CLYBL: variants seen among roughly 807,000 people sequenced by gnomAD.
CLYBL encodes the protein citramalyl-CoA lyase.
In CLYBL, 31 loss-of-function variants were observed where a neutral mutation model predicts 38.9. The ratio of observed to expected loss-of-function variants is 0.80; its 90% CI spans 0.60 to 1.08. The LOEUF (loss-of-function observed/expected upper bound fraction) is 1.08, where lower values mean the gene tolerates loss of function less well. Among genes scored for constraint, CLYBL ranks in the 50% least tolerant of loss-of-function variants. The probability of loss-of-function intolerance (pLI) is 0.00; values close to 1 mark genes in which losing one functional copy is unlikely to be tolerated. For missense variants in CLYBL, 434 were observed against 411.6 expected (o/e 1.05, Z -0.47); for synonymous variants, 171 against 158.6 (o/e 1.08, Z -0.59).
At chr13:99,736,559 G>A (rs528553229) in intron 1 of CLYBL, among the ~76,000 whole-genome samples, 1 of 152,020 alleles carries the variant, frequency 6.6e-6, no homozygotes, top group Non-Finnish European at 1.5e-5. Flanking sequence ...AAATCGGCAG[G>A]TAAGAGTTAG....
chr13:99,629,784 G>A (rs1239511776), intron 1 of CLYBL, among the ~76,000 whole-genome samples: 1 of 152,160 alleles, frequency 6.6e-6, no homozygotes, highest in African/African-American at 2.4e-5. Context: ...TGCACGCTCT[G>A]GTCCCTGGGC....
rs538298415 is a variant in CLYBL at position 99,695,050 on chromosome 13, ATACGGCTTGGG to A, written c.63-77771_63-77761del. Reference sequence around the variant, plus strand: ...CCTCATCCATCCCACCGCGAGAGCGATACGGCTTGGGTAAGCCGCGAATCCCCTCACTGGGC... The same window carrying A: ...CCTCATCCATCCCACCGCGAGAGCGATAAGCCGCGAATCCCCTCACTGGGC... On this transcript the variant is annotated intron_variant, in intron 1 of 8. Transcript: ENST00000339105. 3.5e-4 allele frequency among the ~76,000 whole-genome samples: 53 copies of A among 152,302 alleles called. No individual in the cohort carries two copies. In the South Asian group the frequency reaches 0.011, roughly 32 times the overall value.
At chr13:99,715,078 A>C (rs1253834471) in intron 1 of CLYBL, among the ~76,000 whole-genome samples, 2 of 152,208 alleles carry the variant, frequency 1.3e-5, no homozygotes, top group Non-Finnish European at 2.9e-5. Context: ...GAGGATCACC[A>C]CATATCAGTG....
chr13:99,734,855 A>C (rs1269076694), intron 1 of CLYBL, among the ~76,000 whole-genome samples: 1 of 152,198 alleles, frequency 6.6e-6, no homozygotes, highest in Non-Finnish European at 1.5e-5. Context: ...TTCTTCTCAC[A>C]AGTAGAACTA....
chr13:99,710,490 T>C (rs1176467034), intron 1 of CLYBL, among the ~76,000 whole-genome samples: 1 of 152,204 alleles, frequency 6.6e-6, no homozygotes, highest in Non-Finnish European at 1.5e-5. Flanking sequence ...TTGAGACTTA[T>C]GAAGACAATG....
intron 1 of CLYBL, among the ~76,000 whole-genome samples, chr13:99,620,831 A>G (rs1315009709): frequency 8.3e-6 from 1 of 119,944 alleles, no homozygotes; most frequent in Non-Finnish European, 1.8e-5. Flanking sequence ...AGAGAAAGAA[A>G]GAAAGAAAAA....
chr13:99,727,752 CAG>C (rs143338442), intron 1 of CLYBL, among the ~76,000 whole-genome samples: 1,778 of 152,074 alleles, frequency 0.012, 33 homozygotes, highest in African/African-American at 0.041. Context: ...TATCTCAGGA[CAG>C]GGAATGATAG....
chr13:99,808,323 C>T (rs754615690), intron 2 of CLYBL, among the ~76,000 whole-genome samples: 27 of 152,056 alleles, frequency 1.8e-4, no homozygotes, highest in African/African-American at 4.8e-4. Flanking sequence ...TGGGCTCAGG[C>T]GATCAGCCTG....
intron 2 of CLYBL, among the ~76,000 whole-genome samples, chr13:99,850,209 G>A (rs553908424): frequency 6.6e-6 from 1 of 152,256 alleles, no homozygotes; most frequent in South Asian, 2.1e-4. Flanking sequence ...TGAAAAGATA[G>A]CTTCAGAATG....
chr13:99,889,058 C>T (rs2052421987), intron 7 of CLYBL, among the ~76,000 whole-genome samples: 1 of 152,166 alleles, frequency 6.6e-6, no homozygotes, highest in African/African-American at 2.4e-5. Flanking sequence ...GAAAATCAAG[C>T]AAAACCTGCG....
intron 1 of CLYBL, among the ~76,000 whole-genome samples, chr13:99,719,762 C>T (rs2048368498): frequency 6.6e-6 from 1 of 152,178 alleles, no homozygotes; most frequent in Non-Finnish European, 1.5e-5. Context: ...CCCACCTCAG[C>T]CCCACAAAGT....
chr13:99,904,585 G>A (rs1221128877), intron 8 of CLYBL, among the ~76,000 whole-genome samples: 1 of 152,220 alleles, frequency 6.6e-6, no homozygotes, highest in African/African-American at 2.4e-5. Context: ...TCAGCCACAC[G>A]TGTATGGATG....
At chr13:99,684,271 T>G (rs1344549533) in intron 1 of CLYBL, among the ~76,000 whole-genome samples, 1 of 145,978 alleles carries the variant, frequency 6.9e-6, no homozygotes, top group Non-Finnish European at 1.5e-5. Flanking sequence ...CCTCTGTCTC[T>G]CAGGTTTGAG....
chr13:99,636,948 C>G (rs1011087569), intron 1 of CLYBL, among the ~76,000 whole-genome samples: 6 of 152,080 alleles, frequency 3.9e-5, no homozygotes, highest in Non-Finnish European at 8.8e-5. Context: ...AGTCTTGGCT[C>G]ACTGCATCAC....
At chr13:99,697,662 T>C (rs1226078007) in intron 1 of CLYBL, among the ~76,000 whole-genome samples, 3 of 125,952 alleles carry the variant, frequency 2.4e-5, no homozygotes, top group Non-Finnish European at 1.6e-5. Flanking sequence ...TCTTTCTTTC[T>C]TTTTTTTTTT....
chr13:99,608,620 G>A (rs1003158991), intron 1 of CLYBL, among the ~76,000 whole-genome samples: 1 of 152,036 alleles, frequency 6.6e-6, no homozygotes, highest in Non-Finnish European at 1.5e-5. Flanking sequence ...TCCAGTGAGC[G>A]CACACAGTCC....
At chr13:99,753,810 C>T (rs1462749680) in intron 1 of CLYBL, among the ~76,000 whole-genome samples, 4 of 152,024 alleles carry the variant, frequency 2.6e-5, no homozygotes, top group African/African-American at 7.3e-5. Flanking sequence ...TGACATTGGC[C>T]GGGCGCGGTG....
At position 99,790,770 on chromosome 13, in the gene CLYBL, C is replaced by T. The variant is rs552258260; in HGVS notation, c.249+17760C>T. Among the ~76,000 whole-genome samples the T allele has an allele frequency of 3.3e-4, 51 of 152,302 alleles. 1 individual carries two copies. Among genetic ancestry groups the T allele is most frequent in the African/African-American group, 1.2e-3 (48 of 41,556 alleles). On this transcript the variant is annotated intron_variant, in intron 2 of 8. Coordinates refer to ENST00000339105, the MANE Select transcript of CLYBL (RefSeq NM_206808.5). Reference sequence around the variant, plus strand: ...GGGCTGCTGGTCCTTCAGGCAGTGGCACAACTGGAATCCTGAACTCTCCCT... The same window carrying T: ...GGGCTGCTGGTCCTTCAGGCAGTGGTACAACTGGAATCCTGAACTCTCCCT...
At chr13:99,611,109 A>C (rs917022036) in intron 1 of CLYBL, among the ~76,000 whole-genome samples, 1 of 152,218 alleles carries the variant, frequency 6.6e-6, no homozygotes, top group Non-Finnish European at 1.5e-5. Context: ...TTTCAAGTCT[A>C]CCACAGAGCT....
Sources: gnomAD v4.1 joint callset for allele counts (sites outside exome capture counted in the v4.1 genomes callset) on GRCh38, gnomAD v4.1.1 for gene constraint, MANE v1.5 for transcripts, NCBI Gene and HGNC (gene_info 2026-07-23, HGNC 2026-07-21) for gene names.